The following XNDC1N variants were observed in gnomAD, a reference collection of about 807,000 sequenced individuals.
XNDC1N encodes the protein XRCC1 N-terminal domain containing 1, N-terminal like, also known as protein XNDC1N.
chr11:71,893,364 G>T, the XNDC1N span: 2 of 636,732 alleles, frequency 3.1e-6, no homozygotes, highest in African/African-American at 1.8e-5. Flanking sequence ...GTCCGCAAGT[G>T]TCAAGATGTT....
At chr11:71,884,335 A>G in the XNDC1N span, 1 of 1,397,938 alleles carries the variant, frequency 7.2e-7, no homozygotes, top group East Asian at 2.6e-5. Context: ...AATTTATTAT[A>G]AAACATTTCA....
At chr11:71,899,108 G>C in the XNDC1N span, among the ~76,000 whole-genome samples, 1 of 152,126 alleles carries the variant, frequency 6.6e-6, no homozygotes, top group Non-Finnish European at 1.5e-5. Flanking sequence ...AGAGGTTGGG[G>C]AACTTGGGTG....
At chr11:71,884,935 T>C in the XNDC1N span, among the ~76,000 whole-genome samples, 30,667 of 149,330 alleles carry the variant, frequency 0.21, 5,868 homozygotes, top group African/African-American at 0.51. Flanking sequence ...GGACCCCCAT[T>C]GCAGGGGGAT....
chr11:71,884,478 G>C, the XNDC1N span: 1 of 1,610,330 alleles, frequency 6.2e-7, no homozygotes, highest in Admixed American at 1.7e-5. Flanking sequence ...CAATGCTGAT[G>C]AACATGCAAT....
the XNDC1N span, chr11:71,917,912 A>G: frequency 1.7e-6 from 1 of 605,266 alleles, no homozygotes. Context: ...GGAGTCCCAC[A>G]GGGAGCCAGT....
At chr11:71,907,898 G>C in the XNDC1N span, among the ~76,000 whole-genome samples, 9 of 152,114 alleles carry the variant, frequency 5.9e-5, no homozygotes, top group Admixed American at 5.9e-4. Flanking sequence ...GTGATGTTGG[G>C]AGTAATAGCA....
chr11:71,885,753 AT>A, the XNDC1N span, among the ~76,000 whole-genome samples: 1,432 of 151,994 alleles, frequency 9.4e-3, 18 homozygotes, highest in African/African-American at 0.033. Context: ...TTAAGAAATA[AT>A]TGCTAATAAA....
At chr11:71,921,556 G>C in the XNDC1N span, among the ~76,000 whole-genome samples, 1 of 152,258 alleles carries the variant, frequency 6.6e-6, no homozygotes, top group East Asian at 1.9e-4. Flanking sequence ...GGGATTACAG[G>C]TATGAGCCCT....
At chr11:71,884,255 A>G in the XNDC1N span, 1 of 854,246 alleles carries the variant, frequency 1.2e-6, no homozygotes, top group Non-Finnish European at 1.7e-6. Context: ...TTTATTCAGC[A>G]TCTCCACTTT....
chr11:71,908,492 C>T, the XNDC1N span, among the ~76,000 whole-genome samples: 6 of 152,060 alleles, frequency 3.9e-5, no homozygotes, highest in African/African-American at 1.4e-4. Flanking sequence ...CGCCATTCCA[C>T]TCCTCCCTCA....
chr11:71,900,574 G>T, the XNDC1N span, among the ~76,000 whole-genome samples: 3 of 152,292 alleles, frequency 2.0e-5, no homozygotes, highest in East Asian at 5.8e-4. Flanking sequence ...TCCCCCACTG[G>T]TTGTCCTTTT....
chr11:71,876,673 C>T, the XNDC1N span, among the ~76,000 whole-genome samples: 1 of 152,186 alleles, frequency 6.6e-6, no homozygotes, highest in Admixed American at 6.5e-5. Flanking sequence ...AAATATCAAG[C>T]AGTGAAAATT....
chr11:71,889,551 G>T, the XNDC1N span, among the ~76,000 whole-genome samples: 1 of 152,204 alleles, frequency 6.6e-6, no homozygotes, highest in Non-Finnish European at 1.5e-5. Flanking sequence ...GAGTAGCTGT[G>T]CCACAGCTGC....
the XNDC1N span, among the ~76,000 whole-genome samples, chr11:71,907,363 T>C: frequency 6.6e-6 from 1 of 151,182 alleles, no homozygotes; most frequent in African/African-American, 2.4e-5. Flanking sequence ...CCCCCCGCGA[T>C]GCGGGGAGTA....
the XNDC1N span, among the ~76,000 whole-genome samples, chr11:71,887,523 G>C: frequency 2.0e-5 from 3 of 151,912 alleles, no homozygotes; most frequent in African/African-American, 7.3e-5. Context: ...CTCTGGCTAA[G>C]CGGTGGCCAA....
At chr11:71,897,569 G>C in the XNDC1N span, among the ~76,000 whole-genome samples, 21 of 152,214 alleles carry the variant, frequency 1.4e-4, no homozygotes, top group African/African-American at 4.8e-4. Flanking sequence ...AACAGGCATT[G>C]GTGAGACTAG....
chr11:71,914,379 A>T, the XNDC1N span: 1 of 456,188 alleles, frequency 2.2e-6, no homozygotes, highest in Admixed American at 2.4e-5. Context: ...TTAACTGCAG[A>T]TGTGACAGAA....
the XNDC1N span, among the ~76,000 whole-genome samples, chr11:71,888,471 G>GA: frequency 6.6e-6 from 1 of 152,174 alleles, no homozygotes; most frequent in Non-Finnish European, 1.5e-5. Context: ...TGAGTTAAAG[G>GA]AAAACCTCTG....
At chr11:71,891,907 C>T in the XNDC1N span, among the ~76,000 whole-genome samples, 1 of 151,598 alleles carries the variant, frequency 6.6e-6, no homozygotes, top group African/African-American at 2.4e-5. Flanking sequence ...TGGTGTACAC[C>T]CCCTGTGATA....
Sources: gnomAD v4.1 joint callset for allele counts (sites outside exome capture counted in the v4.1 genomes callset) on GRCh38, gnomAD v4.1.1 for gene constraint, MANE v1.5 for transcripts, NCBI Gene and HGNC (gene_info 2026-07-23, HGNC 2026-07-21) for gene names.